TNKS: variants seen among roughly 807,000 people sequenced by gnomAD.
TNKS encodes poly [ADP-ribose] polymerase tankyrase-1.
A neutral mutation model predicts 135.8 loss-of-function variants in TNKS; 72 were observed. The ratio of observed to expected loss-of-function variants is 0.53; its 90% CI spans 0.44 to 0.64. TNKS has a LOEUF of 0.64. TNKS is among the 30% of genes least tolerant of loss of function. The pLI, the probability that TNKS is intolerant of heterozygous loss-of-function variation, is 0.00. For synonymous variants in TNKS, 849 were observed against 649.3 expected, an observed-to-expected ratio of 1.31 and a Z score of -4.68; for missense variants, 1,769 against 1,674.0, an observed-to-expected ratio of 1.06 and a Z score of -0.99.
At chr8:9,595,712 C>A (rs769287404) in intron 2 of TNKS, among the ~76,000 whole-genome samples, 1 of 151,992 alleles carries the variant, frequency 6.6e-6, no homozygotes, top group Non-Finnish European at 1.5e-5. Flanking sequence ...TTTTCATATA[C>A]TTTTTTACAG....
At position 9,734,993 on chromosome 8, in the gene TNKS, C is replaced by A. The variant is rs748302795; in HGVS notation, c.2442C>A (p.Gly814=). The change falls in exon 16 of 27, where the codon GGC becomes GGA. Residue 814 remains glycine, a synonymous_variant. Transcript: ENST00000310430. Reference sequence around the variant, plus strand: ...CTTTGTTGGATGCTGCCAAGAAGGGCTGCCTGGCAAGAGTGCAGAAGCTCT... The same window carrying A: ...CTTTGTTGGATGCTGCCAAGAAGGGATGCCTGGCAAGAGTGCAGAAGCTCT... The part of the protein sequence containing the change: ...DAALLDAAKK[G]CLARVQKLCT... 16 of 1,614,052 alleles carry A rather than the reference C, an allele frequency of 9.9e-6. No homozygotes were observed. In the South Asian group the frequency reaches 1.8e-4, roughly 18 times the overall value.
At chr8:9,739,132 A>G (rs1805798100) in intron 17 of TNKS, among the ~76,000 whole-genome samples, 1 of 135,278 alleles carries the variant, frequency 7.4e-6, no homozygotes, top group Non-Finnish European at 1.6e-5. Context: ...ACAACATGGG[A>G]GAAAATTTTC....
In TNKS at chr8:9,778,669, A is replaced by T. The variant is rs1039775316; in HGVS notation, c.*1933A>T. On this transcript the variant is annotated 3_prime_UTR_variant, in exon 27 of 27. Coordinates refer to ENST00000310430, the MANE Select transcript of TNKS (RefSeq NM_003747.3). ...GAAGCTTTGAGAGTTGATATTCATT[A>T]AGAGGGCTTTTTTTCCCCTTCTTTC... The T allele has an allele frequency of 6.6e-6, 1 of 152,540 alleles. No individual in the cohort carries two copies. The highest frequency in any genetic ancestry group is 1.5e-5 in the Non-Finnish European group (1 of 68,030). The allele number at this position is 152,540 out of a possible 1,614,324, so 9.4% of individuals were successfully genotyped here. A position where few individuals can be genotyped will look rare whatever the true frequency, so the allele number is the denominator to read the frequency against.
At chr8:9,767,922 G>GCACTC (rs1464454541) in intron 25 of TNKS, among the ~76,000 whole-genome samples, 1 of 144,132 alleles carries the variant, frequency 6.9e-6, no homozygotes, top group Non-Finnish European at 1.5e-5. Context: ...TCGCGCCACT[G>GCACTC]CACTCCAGCC....
intron 10 of TNKS, 36 bp downstream of exon 10, chr8:9,710,082 A>T: frequency 6.2e-7 from 1 of 1,611,568 alleles, no homozygotes; most frequent in Non-Finnish European, 8.5e-7. Context: ...TTCAGTTCCT[A>T]AAGAGGAAAT....
chr8:9,752,979 AAAG>A (rs1202405279), intron 20 of TNKS, among the ~76,000 whole-genome samples: 3 of 152,022 alleles, frequency 2.0e-5, no homozygotes, highest in Admixed American at 1.3e-4. Context: ...AAAAAAAAAA[AAAG>A]AAAGACTTAT....
rs1252635465 is a variant in TNKS at position 9,556,469 on chromosome 8, C to T, written c.530C>T (p.Pro177Leu). 9 of 1,614,148 alleles carry T rather than the reference C, an allele frequency of 5.6e-6. No individual in the cohort carries two copies. The highest frequency in any genetic ancestry group is 7.6e-6 in the Non-Finnish European group (9 of 1,180,042). The part of the protein sequence containing the change: ...PGAAGPGTGV[P>L]AVSGALRELL... Reference sequence around the variant, plus strand: ...GCAGCAGGACCTGGGACAGGGGTCCCAGCAGTGAGCGGGGCCCTACGGGAA... The same window carrying T: ...GCAGCAGGACCTGGGACAGGGGTCCTAGCAGTGAGCGGGGCCCTACGGGAA... Residue 177 changes from proline (P) to leucine (L), a missense_variant, in exon 1 of 27, where the codon CCA (proline) becomes CTA (leucine). Pro to Leu is a moderately conservative substitution (Grantham distance 98). Transcript: ENST00000310430.
Position 9,643,358 on chromosome 8 carries a change from G to T in TNKS, c.994+27681G>T, listed in dbSNP as rs146104854. ...TTTGCTGTGTCATCCCATGGTGGAA[G>T]GCAGAAGAGCAGGAGAGCAAGAAGG... is the stretch of plus-strand genomic sequence containing the variant. On this transcript the variant is annotated intron_variant, in intron 3 of 26. Coordinates refer to ENST00000310430, the MANE Select transcript of TNKS (RefSeq NM_003747.3). Among the ~76,000 whole-genome samples the T allele has an allele frequency of 3.8e-4, 56 of 145,880 alleles. 10 individuals carry two copies. Among genetic ancestry groups the T allele is most frequent in the African/African-American group, 1.4e-3 (54 of 39,440 alleles).
chr8:9,731,382 C>G (rs1805428695), intron 14 of TNKS, among the ~76,000 whole-genome samples: 1 of 148,078 alleles, frequency 6.8e-6, no homozygotes, highest in Middle Eastern at 3.7e-3. Flanking sequence ...ATCACTTGAA[C>G]CCGGGAGGTG....
chr8:9,705,244 G>T (rs1166005852), intron 6 of TNKS, among the ~76,000 whole-genome samples: 2 of 152,092 alleles, frequency 1.3e-5, no homozygotes, highest in Non-Finnish European at 2.9e-5. Flanking sequence ...AACTAAAAAA[G>T]CAGTTATGTC....
intron 3 of TNKS, among the ~76,000 whole-genome samples, chr8:9,645,806 C>T (rs903551090): frequency 6.6e-6 from 1 of 152,108 alleles, no homozygotes; most frequent in African/African-American, 2.4e-5. Flanking sequence ...ATGATTTAAA[C>T]AAGTTTCTTT....
At chr8:9,575,644 G>C (rs1272512034) in intron 1 of TNKS, among the ~76,000 whole-genome samples, 1 of 152,064 alleles carries the variant, frequency 6.6e-6, no homozygotes, top group African/African-American at 2.4e-5. Flanking sequence ...AATCCATGTA[G>C]GAAAAGATTA....
At chr8:9,743,747 A>T (rs553773812) in intron 17 of TNKS, among the ~76,000 whole-genome samples, 31 of 152,276 alleles carry the variant, frequency 2.0e-4, no homozygotes, top group Non-Finnish European at 3.5e-4. Flanking sequence ...ATCCATATCT[A>T]TAGATGTATA....
At chr8:9,673,313 G>A (rs537460254) in intron 3 of TNKS, among the ~76,000 whole-genome samples, 1 of 151,780 alleles carries the variant, frequency 6.6e-6, no homozygotes, top group Non-Finnish European at 1.5e-5. Context: ...TGAGGTTTTT[G>A]TGTTGACATT....
At chr8:9,723,587 T>C (rs1482372856) in intron 12 of TNKS, among the ~76,000 whole-genome samples, 2 of 152,220 alleles carry the variant, frequency 1.3e-5, no homozygotes, top group Non-Finnish European at 2.9e-5. Context: ...ATTAGCACTT[T>C]AAAACATTAT....
rs1307096026 is a variant in TNKS at position 9,764,732 on chromosome 8, G to A, written c.3389G>A (p.Arg1130Gln). The A allele has an allele frequency of 3.1e-6, 5 of 1,596,396 alleles. No homozygotes were observed. The highest frequency in any genetic ancestry group is 3.5e-5 in the Admixed American group (2 of 56,418). The change falls in exon 23 of 27, where the codon CGA becomes CAA. Residue 1130 changes from arginine (R) to glutamine (Q), a missense_variant. Arg to Gln is a conservative substitution (Grantham distance 43). Around this residue, in one of 5 missense-constraint regions of TNKS, gnomAD observed 722 missense variants for 688.9 expected, o/e 1.05. Coordinates refer to ENST00000310430, the MANE Select transcript of TNKS (RefSeq NM_003747.3). The stretch of plus-strand genomic sequence containing the variant: ...GTTCTGTAGATGCAAAGTACTATTC[G>A]AGAACACAGAGATGGTGGTAATGCT... ...SVEEEMQSTI[R>Q]EHRDGGNAGG...
At chr8:9,688,940 C>T (rs1803136622) in intron 5 of TNKS, among the ~76,000 whole-genome samples, 1 of 150,526 alleles carries the variant, frequency 6.6e-6, no homozygotes, top group Non-Finnish European at 1.5e-5. Context: ...TGTTCCCGGC[C>T]CAGCAAGTTT....
At position 9,571,759 on chromosome 8, in the gene TNKS, C is replaced by T. The variant is rs972317340; in HGVS notation, c.674-8400C>T. ...GATCACAGACGTGAGCCACCGCGCC[C>T]GGGGATTCCATGTTGTTGCCACTTT... On this transcript the variant is annotated intron_variant, in intron 1 of 26. Coordinates refer to ENST00000310430, the MANE Select transcript of TNKS (RefSeq NM_003747.3). Among the ~76,000 whole-genome samples the T allele has an allele frequency of 5.3e-5, 8 of 152,216 alleles. No individual in the cohort carries two copies. In the East Asian group the frequency reaches 1.2e-3, roughly 22 times the overall value.
intron 3 of TNKS, among the ~76,000 whole-genome samples, chr8:9,673,244 A>T (rs778654393): frequency 3.8e-4 from 58 of 152,142 alleles, no homozygotes; most frequent in Non-Finnish European, 6.9e-4. Flanking sequence ...TAAAGCTTTT[A>T]CAAAGCTTTT....
Sources: gnomAD v4.1 joint callset for allele counts (sites outside exome capture counted in the v4.1 genomes callset) on GRCh38, gnomAD v4.1.1 for gene constraint, gnomAD v4.1.1 regional missense constraint, MANE v1.5 for transcripts, NCBI Gene and HGNC (gene_info 2026-07-23, HGNC 2026-07-21) for gene names.